DEUP1: variants seen among roughly 807,000 people sequenced by gnomAD.
DEUP1 encodes the protein deuterosome assembly protein 1.
Under a neutral mutation model 87.4 loss-of-function variants are expected in DEUP1, and 82 were observed. The ratio of observed to expected loss-of-function variants is 0.94; its 90% CI spans 0.78 to 1.13. DEUP1 has a LOEUF of 1.13. Among genes scored for constraint, DEUP1 ranks in the 50% most tolerant of loss-of-function variants. The pLI is 0.00. For missense variants in DEUP1, 663 were observed against 681.5 expected, an observed-to-expected ratio of 0.97 and a Z score of 0.30; for synonymous variants, 214 against 222.7, an observed-to-expected ratio of 0.96 and a Z score of 0.35.
chr11:93,400,539 G>C (rs1947082704), intron 11 of DEUP1, among the ~76,000 whole-genome samples: 1 of 152,006 alleles, frequency 6.6e-6, no homozygotes, highest in African/African-American at 2.4e-5. Context: ...CCACCCTAGT[G>C]ACCTCATTTT....
intron 9 of DEUP1, 42 bp downstream of exon 9, chr11:93,389,167 A>G: frequency 9.3e-7 from 1 of 1,072,594 alleles, no homozygotes; most frequent in Admixed American, 2.3e-5. Context: ...GTAGATGTGA[A>G]CTCTTTACAT....
intron 2 of DEUP1, among the ~76,000 whole-genome samples, chr11:93,351,945 C>T (rs1462564989): frequency 6.6e-6 from 1 of 152,146 alleles, no homozygotes; most frequent in African/African-American, 2.4e-5. Context: ...CAAATTTGTA[C>T]TGTATTTTTC....
At chr11:93,345,416 T>A (rs1468892794) in intron 2 of DEUP1, among the ~76,000 whole-genome samples, 1 of 152,186 alleles carries the variant, frequency 6.6e-6, no homozygotes, top group Admixed American at 6.5e-5. Flanking sequence ...TGTTTTTAGG[T>A]CTTTGAGGAA....
At position 93,370,164 on chromosome 11, in the gene DEUP1, C is replaced by T. The variant is rs34205920; in HGVS notation, c.524C>T (p.Ser175Phe). 8.6e-3 allele frequency: 13,447 copies of T among 1,571,476 alleles called. 102 individuals are homozygous for T. The highest frequency in any genetic ancestry group is 0.015 in the South Asian group (1,348 of 88,212). Residue 175 changes from serine to phenylalanine, a missense_variant, in exon 6 of 14, where the codon TCT (serine) becomes TTT (phenylalanine). Coordinates refer to ENST00000298050, the MANE Select transcript of DEUP1 (RefSeq NM_181645.4). ...TTAGATGCTCAACAAAAATTATTAT[C>T]TGAGAAGTGTAATCAGTTTCAGGTA... ...ISLDAQQKLL[S>F]EKCNQFQKQA... is the part of the protein sequence containing the mutation.
chr11:93,420,183 A>G lies in DEUP1; in HGVS notation c.1638+5069A>G, dbSNP rs1399287769. ...ATCCTCAATAAAATACTGGCAAACCAAATCCAGCAGCACATCAAAAAGCTT... is the reference window on the plus strand; with the variant it reads ...ATCCTCAATAAAATACTGGCAAACCGAATCCAGCAGCACATCAAAAAGCTT... On this transcript the variant is annotated intron_variant, in intron 13 of 13. Coordinates refer to ENST00000298050, the MANE Select transcript of DEUP1 (RefSeq NM_181645.4). Among the ~76,000 whole-genome samples the G allele has an allele frequency of 5.3e-5, 8 of 152,278 alleles. No homozygotes were observed. In the East Asian group the frequency reaches 9.6e-4, roughly 18 times the overall value.
At chr11:93,364,028 A>G in intron 4 of DEUP1, 132 bp from the exon 5 acceptor site, 1 of 650,418 alleles carries the variant, frequency 1.5e-6, no homozygotes, top group Non-Finnish European at 2.6e-6. Flanking sequence ...TCACTAATTG[A>G]AACATTTAAG....
intron 7 of DEUP1, among the ~76,000 whole-genome samples, chr11:93,380,391 T>C (rs981569025): frequency 2.6e-5 from 4 of 151,676 alleles, no homozygotes; most frequent in African/African-American, 9.7e-5. Flanking sequence ...TTTTTGGGTT[T>C]TGTTTTGTTT....
intron 12 of DEUP1, among the ~76,000 whole-genome samples, chr11:93,409,471 A>G (rs967930933): frequency 1.3e-5 from 2 of 152,202 alleles, no homozygotes; most frequent in African/African-American, 4.8e-5. Context: ...ATTTTATACA[A>G]TATTTCTCAG....
intron 7 of DEUP1, among the ~76,000 whole-genome samples, chr11:93,379,213 A>G (rs920786194): frequency 6.6e-6 from 1 of 152,058 alleles, no homozygotes; most frequent in South Asian, 2.1e-4. Flanking sequence ...TTTTTGGCTC[A>G]CTTGTGGGAT....
chr11:93,435,739 G>A (rs1027398800), intron 13 of DEUP1, among the ~76,000 whole-genome samples: 2 of 152,178 alleles, frequency 1.3e-5, no homozygotes, highest in Non-Finnish European at 2.9e-5. Context: ...GCTCACGCCT[G>A]TAATCCCAGC....
chr11:93,340,016 A>G (rs1943979325), intron 2 of DEUP1, among the ~76,000 whole-genome samples: 1 of 152,222 alleles, frequency 6.6e-6, no homozygotes, highest in Non-Finnish European at 1.5e-5. Flanking sequence ...ATACCCAAGC[A>G]AATTAGGGTT....
At chr11:93,338,956 T>C (rs1943915377) in intron 2 of DEUP1, among the ~76,000 whole-genome samples, 2 of 152,130 alleles carry the variant, frequency 1.3e-5, no homozygotes, top group African/African-American at 4.8e-5. Context: ...AATTGGAGAA[T>C]GTATGGGGAA....
At chr11:93,435,244 G>A (rs757476084) in intron 13 of DEUP1, among the ~76,000 whole-genome samples, 2 of 152,030 alleles carry the variant, frequency 1.3e-5, no homozygotes, top group Non-Finnish European at 2.9e-5. Flanking sequence ...TCTCCTTGAG[G>A]GATGATGCCA....
intron 7 of DEUP1, among the ~76,000 whole-genome samples, chr11:93,380,266 A>G (rs1297766205): frequency 1.3e-5 from 2 of 152,184 alleles, no homozygotes; most frequent in East Asian, 3.8e-4. Flanking sequence ...TAATTCTCTA[A>G]CTTCATTTTG....
At chr11:93,393,556 A>G (rs1033937095) in intron 9 of DEUP1, among the ~76,000 whole-genome samples, 1 of 152,096 alleles carries the variant, frequency 6.6e-6, no homozygotes, top group African/African-American at 2.4e-5. Flanking sequence ...TGGGAATCCT[A>G]TCCTGTCATC....
chr11:93,380,088 T>C (rs1157033293), intron 7 of DEUP1, among the ~76,000 whole-genome samples: 2 of 152,066 alleles, frequency 1.3e-5, no homozygotes, highest in Non-Finnish European at 2.9e-5. Context: ...AGGAAAGGAG[T>C]GTGACCAGCA....
intron 2 of DEUP1, among the ~76,000 whole-genome samples, chr11:93,353,844 T>G (rs1033256608): frequency 3.3e-5 from 5 of 152,180 alleles, no homozygotes; most frequent in African/African-American, 1.2e-4. Flanking sequence ...GCCTGGCCCA[T>G]GAAACCACTT....
chr11:93,342,525 G>C (rs1350342616), intron 2 of DEUP1, among the ~76,000 whole-genome samples: 1 of 152,156 alleles, frequency 6.6e-6, no homozygotes, highest in South Asian at 2.1e-4. Context: ...GGGATGTGTA[G>C]GGTACCCACA....
chr11:93,437,744 C>CCG lies in DEUP1; in HGVS notation c.*26_*27insGC. On this transcript the variant is annotated 3_prime_UTR_variant, in exon 14 of 14. Transcript: ENST00000298050. ...AGCTTTTAAACTTTTTTATTTGCTT[C>CCG]CCCCCCCCACCCCCGCCAAGAAAAA... 1 of 857,818 alleles carries CCG rather than the reference C, an allele frequency of 1.2e-6. No individual in the cohort carries two copies. The highest frequency in any genetic ancestry group is 1.7e-6 in the Non-Finnish European group (1 of 603,708). The allele number at this position is 857,818 out of a possible 1,614,324, so 53.1% of individuals were successfully genotyped here.
Sources: allele counts gnomAD v4.1 joint callset (sites outside exome capture counted in the v4.1 genomes callset), GRCh38; gene constraint gnomAD v4.1.1; transcripts MANE v1.5; gene names NCBI Gene and HGNC (gene_info 2026-07-23, HGNC 2026-07-21).